NPFFR2: variants seen among roughly 807,000 people sequenced by gnomAD.
NPFFR2 encodes G-protein coupled receptor 74.
Under a neutral mutation model 13.1 loss-of-function variants are expected in NPFFR2, and 15 were observed. The ratio of observed to expected loss-of-function variants is 1.15; its 90% CI spans 0.77 to 1.76. NPFFR2 has a LOEUF of 1.76. Among genes scored for constraint, NPFFR2 ranks in the 40% most tolerant of loss-of-function variants. The probability of loss-of-function intolerance (pLI) is 0.00; values close to 1 mark genes in which losing one functional copy is unlikely to be tolerated. For missense variants in NPFFR2, 572 were observed against 503.5 expected (o/e 1.14, Z -1.30); for synonymous variants, 190 against 175.7 (o/e 1.08, Z -0.65).
chr4:72,034,275 G>C (rs944044248), intron 1 of NPFFR2, among the ~76,000 whole-genome samples: 1 of 152,154 alleles, frequency 6.6e-6, no homozygotes, highest in Admixed American at 6.5e-5. Context: ...ATTTATAAAG[G>C]AAAAAGATTT....
chr4:72,052,797 C>T (rs949518384), intron 1 of NPFFR2, among the ~76,000 whole-genome samples: 2 of 151,982 alleles, frequency 1.3e-5, no homozygotes, highest in Non-Finnish European at 2.9e-5. Flanking sequence ...TTGAAGCCTG[C>T]TACCTGGAGG....
chr4:72,089,914 GT>G (rs1169898120), intron 1 of NPFFR2, among the ~76,000 whole-genome samples: 1 of 151,908 alleles, frequency 6.6e-6, no homozygotes, highest in East Asian at 1.9e-4. Context: ...GTCTAGAAGG[GT>G]TTTTTTCTAA....
intron 1 of NPFFR2, among the ~76,000 whole-genome samples, chr4:72,117,595 T>G (rs1377892033): frequency 1.3e-5 from 2 of 148,750 alleles, no homozygotes; most frequent in African/African-American, 2.6e-5. Context: ...CATGGTCTAC[T>G]TCATTGTTCC....
intron 1 of NPFFR2, among the ~76,000 whole-genome samples, chr4:72,088,847 A>G (rs1316241072): frequency 6.6e-6 from 1 of 151,818 alleles, no homozygotes; most frequent in African/African-American, 2.4e-5. Context: ...TTTTTTTTCA[A>G]TAGGTTTTGG....
At chr4:72,124,304 GA>G (rs1466790087) in intron 1 of NPFFR2, among the ~76,000 whole-genome samples, 2 of 152,052 alleles carry the variant, frequency 1.3e-5, no homozygotes, top group Non-Finnish European at 2.9e-5. Context: ...TCAATATCAT[GA>G]AAAATGGCCT....
intron 1 of NPFFR2, among the ~76,000 whole-genome samples, chr4:72,041,564 A>G (rs1268797007): frequency 6.6e-6 from 1 of 152,178 alleles, no homozygotes; most frequent in African/African-American, 2.4e-5. Flanking sequence ...GTTCTTTAAG[A>G]GATCTGCAAA....
chr4:72,057,315 TAAAAC>T (rs1719781220), intron 1 of NPFFR2, among the ~76,000 whole-genome samples: 1 of 151,934 alleles, frequency 6.6e-6, no homozygotes, highest in Non-Finnish European at 1.5e-5. Flanking sequence ...TGTGGTGGCT[TAAAAC>T]AATAGAAATT....
chr4:72,051,871 A>G (rs191116500), intron 1 of NPFFR2, among the ~76,000 whole-genome samples: 1,992 of 151,288 alleles, frequency 0.013, 21 homozygotes, highest in Non-Finnish European at 0.023. Context: ...AAACACCTCT[A>G]TGCAAATAAA....
intron 1 of NPFFR2, among the ~76,000 whole-genome samples, chr4:72,093,953 G>T (rs558324445): frequency 1.3e-5 from 2 of 151,356 alleles, no homozygotes; most frequent in African/African-American, 4.9e-5. Flanking sequence ...CTTCTCATTT[G>T]GGCAGACTAT....
rs758322444 is a variant in NPFFR2 at position 72,083,230 on chromosome 4, TGGTCA to T, written c.-7-45354_-7-45350del. ...CCATAAGTGGAATTTCTGAATCATA[TGGTCA>T]TTCTATTTTTCATTTTTTGAGAACT... On this transcript the variant is annotated intron_variant, in intron 1 of 3. Coordinates refer to ENST00000308744, the MANE Select transcript of NPFFR2 (RefSeq NM_004885.3). 7.8e-3 allele frequency among the ~76,000 whole-genome samples: 1,181 copies of T among 152,252 alleles called. 8 individuals carry two copies. Among genetic ancestry groups the T allele is most frequent in the African/African-American group, 0.017 (692 of 41,552 alleles).
chr4:72,101,989 A>G (rs899869869), intron 1 of NPFFR2, among the ~76,000 whole-genome samples: 6 of 152,170 alleles, frequency 3.9e-5, no homozygotes, highest in African/African-American at 1.4e-4. Context: ...GATATGCAGC[A>G]TAGCTTATCA....
chr4:72,043,534 A>G (rs1390610782), intron 1 of NPFFR2, among the ~76,000 whole-genome samples: 1 of 152,240 alleles, frequency 6.6e-6, no homozygotes, highest in Non-Finnish European at 1.5e-5. Context: ...TACATCTTGC[A>G]TCAGTGTGAC....
chr4:72,077,532 G>A lies in NPFFR2; in HGVS notation c.-8+45332G>A, dbSNP rs142811286. ...AATTAATATCTCATCCACGATTTCA[G>A]TCTGGCAGAAAATGAACCTCTTTTA... is the stretch of plus-strand genomic sequence containing the variant. On this transcript the variant is annotated intron_variant, in intron 1 of 3. Transcript: ENST00000308744. Among the ~76,000 whole-genome samples, 351 of 152,188 alleles carry A rather than the reference G, an allele frequency of 2.3e-3. 4 individuals are homozygous for A. The highest frequency in any genetic ancestry group is 8.0e-3 in the African/African-American group (331 of 41,544).
At chr4:72,113,293 A>G (rs1721616856) in intron 1 of NPFFR2, among the ~76,000 whole-genome samples, 1 of 152,092 alleles carries the variant, frequency 6.6e-6, no homozygotes. Context: ...TAAGCAATAC[A>G]TAGATTTTAT....
At chr4:72,043,710 A>G (rs1719299195) in intron 1 of NPFFR2, among the ~76,000 whole-genome samples, 1 of 152,252 alleles carries the variant, frequency 6.6e-6, no homozygotes, top group Non-Finnish European at 1.5e-5. Flanking sequence ...CATTGTATCT[A>G]GGAAGTAACC....
At chr4:72,080,923 C>A (rs1720599403) in intron 1 of NPFFR2, among the ~76,000 whole-genome samples, 1 of 146,906 alleles carries the variant, frequency 6.8e-6, no homozygotes, top group South Asian at 2.1e-4. Flanking sequence ...AGCCTGCCCC[C>A]AGTTGCAGAT....
At chr4:72,127,360 C>T (rs59957436) in intron 1 of NPFFR2, among the ~76,000 whole-genome samples, 3,372 of 66,446 alleles carry the variant, frequency 0.051, 241 homozygotes, top group African/African-American at 0.18. Flanking sequence ...AATTTCTTTT[C>T]TTTTTTTTTT....
chr4:72,127,433 G>C (rs1210179152), intron 1 of NPFFR2, among the ~76,000 whole-genome samples: 1 of 112,682 alleles, frequency 8.9e-6, no homozygotes. Context: ...GCGCGATCTC[G>C]GCTCACTGCA....
intron 1 of NPFFR2, among the ~76,000 whole-genome samples, chr4:72,107,005 T>C (rs1159768598): frequency 6.6e-6 from 1 of 151,948 alleles, no homozygotes; most frequent in Non-Finnish European, 1.5e-5. Context: ...TCCCCATTTC[T>C]TGTATTTTAG....
Sources: gnomAD v4.1 joint callset for allele counts (sites outside exome capture counted in the v4.1 genomes callset) on GRCh38, gnomAD v4.1.1 for gene constraint, MANE v1.5 for transcripts, NCBI Gene and HGNC (gene_info 2026-07-23, HGNC 2026-07-21) for gene names.